TRIM44: variants seen among roughly 807,000 people sequenced by gnomAD.
The protein encoded by TRIM44 is tripartite motif containing 44, also known as tripartite motif-containing protein 44.
TRIM44 carries 13 observed loss-of-function variants against 37.4 expected under a neutral mutation model. The ratio of observed to expected loss-of-function variants is 0.35; its 90% confidence interval spans 0.23 to 0.55. The LOEUF (loss-of-function observed/expected upper bound fraction) is 0.55. Among genes scored for constraint, TRIM44 ranks in the 20% least tolerant of loss-of-function variants. The pLI is 0.89. For missense variants in TRIM44, 426 were observed against 437.2 expected (o/e 0.97, Z 0.23); for synonymous variants, 175 against 157.2 (o/e 1.11, Z -0.85).
chr11:35,725,162 G>A (rs1852158181), intron 2 of TRIM44, among the ~76,000 whole-genome samples: 1 of 151,306 alleles, frequency 6.6e-6, no homozygotes, highest in Non-Finnish European at 1.5e-5. Context: ...TGATCTGTAT[G>A]CACAAATATA....
chr11:35,808,608 C>T lies in TRIM44; in HGVS notation c.*2223C>T, dbSNP rs910018677. ...TGGAAATATAAAAATATTTGCCAAC[C>T]TGTCTCAGTAACTTATCATATCTCT... On this transcript the variant is annotated 3_prime_UTR_variant, in exon 5 of 5. Coordinates refer to ENST00000299413, the MANE Select transcript of TRIM44 (RefSeq NM_017583.6). 1.1e-4 allele frequency: 16 copies of T among 152,160 alleles called. No homozygotes were observed. The highest frequency in any genetic ancestry group is 2.9e-4 in the African/African-American group (12 of 41,436). 9.4% of individuals were successfully genotyped at this position (152,160 alleles called of 1,614,324 possible).
chr11:35,726,198 G>T, intron 3 of TRIM44, 35 bp downstream of exon 3: 1 of 1,605,272 alleles, frequency 6.2e-7, no homozygotes, highest in Non-Finnish European at 8.5e-7. Flanking sequence ...AGTAGCAAGA[G>T]AAATAGGAGG....
intron 2 of TRIM44, among the ~76,000 whole-genome samples, chr11:35,690,481 T>C (rs79349793): frequency 0.011 from 1,612 of 152,312 alleles, 30 homozygotes; most frequent in African/African-American, 0.037. Context: ...TTCACAAGGA[T>C]CAAGCCAGGC....
At chr11:35,683,266 T>TA (rs1851539594) in intron 1 of TRIM44, among the ~76,000 whole-genome samples, 1 of 152,184 alleles carries the variant, frequency 6.6e-6, no homozygotes, top group Non-Finnish European at 1.5e-5. Context: ...ACCATCATTT[T>TA]AAAAAATAGA....
At chr11:35,700,422 C>T (rs1851771314) in intron 2 of TRIM44, among the ~76,000 whole-genome samples, 2 of 152,172 alleles carry the variant, frequency 1.3e-5, no homozygotes, top group Admixed American at 1.3e-4. Flanking sequence ...ATTTACATTC[C>T]CATGCCTTGT....
chr11:35,712,393 G>A (rs1420453168), intron 2 of TRIM44, among the ~76,000 whole-genome samples: 2 of 152,076 alleles, frequency 1.3e-5, no homozygotes, highest in Admixed American at 6.6e-5. Flanking sequence ...CCACTTTAAA[G>A]TAAACGCTAC....
At chr11:35,755,927 G>A (rs1220697363) in intron 4 of TRIM44, among the ~76,000 whole-genome samples, 11 of 152,108 alleles carry the variant, frequency 7.2e-5, no homozygotes, top group African/African-American at 2.6e-4. Flanking sequence ...ATAGTTTGAA[G>A]TCAGGTAGCG....
intron 1 of TRIM44, among the ~76,000 whole-genome samples, chr11:35,667,135 TA>T (rs141076595): frequency 6.6e-6 from 1 of 152,178 alleles, no homozygotes; most frequent in Non-Finnish European, 1.5e-5. Context: ...TTTATCAGTT[TA>T]AAAAAATTCT....
intron 2 of TRIM44, among the ~76,000 whole-genome samples, chr11:35,725,580 G>C (rs1250140454): frequency 6.6e-6 from 1 of 151,940 alleles, no homozygotes; most frequent in Non-Finnish European, 1.5e-5. Flanking sequence ...AAGTGATCCA[G>C]CCGCCTTGGC....
At chr11:35,725,095 CACACA>C (rs1852157100) in intron 2 of TRIM44, among the ~76,000 whole-genome samples, 1 of 151,890 alleles carries the variant, frequency 6.6e-6, no homozygotes, top group African/African-American at 2.4e-5. Context: ...CACACACACA[CACACA>C]CACACCCTCC....
chr11:35,676,624 G>A (rs1441425385), intron 1 of TRIM44, among the ~76,000 whole-genome samples: 1 of 152,106 alleles, frequency 6.6e-6, no homozygotes, highest in African/African-American at 2.4e-5. Flanking sequence ...GGGGAGGTGG[G>A]GACAAGATAC....
At chr11:35,798,367 T>C (rs1853320836) in intron 4 of TRIM44, among the ~76,000 whole-genome samples, 1 of 152,234 alleles carries the variant, frequency 6.6e-6, no homozygotes, top group African/African-American at 2.4e-5. Context: ...AGCTTGACTT[T>C]TCCCTTTGGC....
At chr11:35,775,550 T>C (rs1299297920) in intron 4 of TRIM44, among the ~76,000 whole-genome samples, 7 of 152,172 alleles carry the variant, frequency 4.6e-5, no homozygotes, top group Admixed American at 4.6e-4. Context: ...CTTGTGCCAG[T>C]TTTCGAAGGG....
At chr11:35,720,614 C>T (rs1852095208) in intron 2 of TRIM44, among the ~76,000 whole-genome samples, 1 of 152,240 alleles carries the variant, frequency 6.6e-6, no homozygotes, top group African/African-American at 2.4e-5. Flanking sequence ...TTGCCTTGTT[C>T]CTCATCTTAG....
intron 3 of TRIM44, among the ~76,000 whole-genome samples, chr11:35,727,945 C>T (rs925668381): frequency 2.0e-5 from 3 of 152,188 alleles, no homozygotes; most frequent in Non-Finnish European, 2.9e-5. Flanking sequence ...TTCAAGGGAT[C>T]GACAGCATAA....
At chr11:35,767,132 A>C (rs144454446) in intron 4 of TRIM44, among the ~76,000 whole-genome samples, 1 of 152,176 alleles carries the variant, frequency 6.6e-6, no homozygotes, top group African/African-American at 2.4e-5. Context: ...AAATGGGTGC[A>C]TGCTCCTACA....
At chr11:35,702,059 C>A (rs1379657026) in intron 2 of TRIM44, among the ~76,000 whole-genome samples, 1 of 152,200 alleles carries the variant, frequency 6.6e-6, no homozygotes, top group Non-Finnish European at 1.5e-5. Flanking sequence ...CAAGTTGCCA[C>A]CCAAGGGGTT....
chr11:35,771,600 C>A (rs1450481176), intron 4 of TRIM44, among the ~76,000 whole-genome samples: 1 of 152,000 alleles, frequency 6.6e-6, no homozygotes, highest in African/African-American at 2.4e-5. Flanking sequence ...TGTCAGATGC[C>A]TGTAATCTCA....
In TRIM44 at chr11:35,708,677, T is replaced by C. The variant is rs11827468; in HGVS notation, c.748-17247T>C. Among the ~76,000 whole-genome samples the C allele has an allele frequency of 3.2e-3, 475 of 149,618 alleles. 13 individuals are homozygous for C. The highest frequency in any genetic ancestry group is 0.011 in the African/African-American group (447 of 39,240). On this transcript the variant is annotated intron_variant, in intron 2 of 4. Coordinates refer to ENST00000299413, the MANE Select transcript of TRIM44 (RefSeq NM_017583.6). ...ATCGTAAGAACAAAAAACCAAACAC[T>C]GCATATTCTCACTCACAGGTGGGAA...
Sources: allele counts gnomAD v4.1 joint callset (sites outside exome capture counted in the v4.1 genomes callset), GRCh38; gene constraint gnomAD v4.1.1; transcripts MANE v1.5; gene names NCBI Gene and HGNC (gene_info 2026-07-23, HGNC 2026-07-21).